Variants in JMJD1C observed in about 807,000 individuals in gnomAD.
The protein encoded by JMJD1C is jumonji domain-containing protein 1C.
A neutral mutation model predicts 245.3 loss-of-function variants in JMJD1C; 31 were observed. The ratio of observed to expected loss-of-function variants is 0.13; its 90% CI spans 0.09 to 0.17. JMJD1C has a LOEUF of 0.17. Among genes scored for constraint, JMJD1C ranks in the 10% least tolerant of loss-of-function variants. JMJD1C has a pLI of 1.00. For synonymous variants in JMJD1C, 1,057 were observed against 1,017.4 expected (o/e 1.04, Z -0.74); for missense variants, 2,691 against 3,000.2 (o/e 0.90, Z 2.41).
intron 1 of JMJD1C, among the ~76,000 whole-genome samples, chr10:63,448,475 T>G (rs189430207): frequency 6.6e-6 from 1 of 152,246 alleles, no homozygotes; most frequent in East Asian, 1.9e-4. Context: ...TTTTAAAATA[T>G]CACAAGTACC....
At chr10:63,170,749 A>AC (rs1336477430) in intron 24 of JMJD1C, among the ~76,000 whole-genome samples, 1 of 152,132 alleles carries the variant, frequency 6.6e-6, no homozygotes, top group Non-Finnish European at 1.5e-5. Flanking sequence ...AATGACCCCT[A>AC]CCTGATATAT....
At chr10:63,243,124 T>TATATATATATATATATATATATAA (rs1491362612) in intron 3 of JMJD1C, among the ~76,000 whole-genome samples, 13 of 85,788 alleles carry the variant, frequency 1.5e-4, no homozygotes, top group South Asian at 1.5e-3. Flanking sequence ...TATATATATA[T>TATATATATATATATATATATATAA]AAATATATAT....
intron 1 of JMJD1C, among the ~76,000 whole-genome samples, chr10:63,405,876 TA>T (rs2132625183): frequency 6.6e-6 from 1 of 152,316 alleles, no homozygotes; most frequent in Non-Finnish European, 1.5e-5. Context: ...TGAGGCTACA[TA>T]GTTTCTGGTG....
At chr10:63,211,435 T>C (rs989004747) in intron 8 of JMJD1C, among the ~76,000 whole-genome samples, 2 of 144,602 alleles carry the variant, frequency 1.4e-5, no homozygotes, top group Admixed American at 7.2e-5. Context: ...CACTGTACTG[T>C]AGCCTGGCAA....
At chr10:63,465,349 C>A in intron 1 of JMJD1C, 146 bp downstream of exon 1, 2 of 818,270 alleles carry the variant, frequency 2.4e-6, no homozygotes, top group Admixed American at 2.9e-5. Context: ...GCAAGGGATG[C>A]GGGCAAACGC....
chr10:63,180,843 A>G (rs886646670), intron 22 of JMJD1C, among the ~76,000 whole-genome samples: 2 of 147,106 alleles, frequency 1.4e-5, no homozygotes. Flanking sequence ...ATCTCGGCTC[A>G]CTGCAAGCTC....
chr10:63,505,970 A>G (rs931991129), intron 1 of JMJD1C, among the ~76,000 whole-genome samples: 13 of 152,164 alleles, frequency 8.5e-5, no homozygotes, highest in African/African-American at 3.1e-4. Context: ...CTTCTCTCCA[A>G]TAAGAACTTA....
At chr10:63,213,287 A>G (rs1847584431) in intron 8 of JMJD1C, among the ~76,000 whole-genome samples, 186 bp downstream of exon 8, 2 of 151,986 alleles carry the variant, frequency 1.3e-5, no homozygotes, top group Admixed American at 6.6e-5. Flanking sequence ...AATTCTTTTT[A>G]TAAGTAGGCT....
At chr10:63,285,830 A>G (rs952058183) in intron 2 of JMJD1C, among the ~76,000 whole-genome samples, 1 of 152,276 alleles carries the variant, frequency 6.6e-6, no homozygotes, top group African/African-American at 2.4e-5. Context: ...ACGAACAAAC[A>G]AAACAAAAAA....
upstream of JMJD1C, among the ~76,000 whole-genome samples, chr10:63,467,837 T>TAAAAATGC (rs1211612439): frequency 6.6e-6 from 1 of 152,168 alleles, no homozygotes. Flanking sequence ...GATGCAATTG[T>TAAAAATGC]AAAAATGCAA....
At chr10:63,517,355 T>G (rs1955052491) in intron 1 of JMJD1C, among the ~76,000 whole-genome samples, 2 of 152,240 alleles carry the variant, frequency 1.3e-5, no homozygotes, top group African/African-American at 4.8e-5. Flanking sequence ...ACCAATGCTT[T>G]TAACAGTCTA....
chr10:63,272,286 T>C (rs1435564191), intron 2 of JMJD1C, among the ~76,000 whole-genome samples: 1 of 151,960 alleles, frequency 6.6e-6, no homozygotes, highest in African/African-American at 2.4e-5. Context: ...GTTTTGCTCT[T>C]TTTTGCCCAG....
intron 3 of JMJD1C, among the ~76,000 whole-genome samples, chr10:63,233,186 AC>A (rs1318480744): frequency 1.3e-5 from 2 of 152,220 alleles, no homozygotes; most frequent in African/African-American, 4.8e-5. Flanking sequence ...AAAGGTTGCC[AC>A]AATTTTAGTT....
chr10:63,442,635 C>A (rs1589756515), intron 1 of JMJD1C, among the ~76,000 whole-genome samples: 1 of 152,170 alleles, frequency 6.6e-6, no homozygotes, highest in African/African-American at 2.4e-5. Context: ...CCATGCCATA[C>A]ATTTCTTGCC....
intron 1 of JMJD1C, among the ~76,000 whole-genome samples, chr10:63,445,313 G>C (rs1020686345): frequency 2.6e-5 from 4 of 152,194 alleles, no homozygotes; most frequent in Non-Finnish European, 5.9e-5. Flanking sequence ...GAGGAGGGAA[G>C]AGGTCAATTT....
chr10:63,380,016 C>T (rs1389517693), intron 2 of JMJD1C, among the ~76,000 whole-genome samples: 1 of 151,364 alleles, frequency 6.6e-6, no homozygotes, highest in African/African-American at 2.4e-5. Context: ...CAGTAACTCA[C>T]ATTGACTTGG....
chr10:63,177,846 C>G lies in JMJD1C; in HGVS notation c.7095G>C (p.Lys2365Asn). The G allele has an allele frequency of 6.2e-7, 1 of 1,611,508 alleles. No individual in the cohort carries two copies. The highest frequency in any genetic ancestry group is 8.5e-7 in the Non-Finnish European group (1 of 1,179,476). Residue 2365 changes from lysine to asparagine, a missense_variant, in exon 23 of 26, where the codon AAG (lysine) becomes AAC (asparagine). Transcript: ENST00000399262. ...CATCCAAATCTTCTTCCTCAAATTT[C>G]TTGAGAATTCCTGAAACAAAGGAAC... ...NGILSKAGIL[K>N]KFEEEDLDDI...
rs764308621 is a variant in JMJD1C, at chr10:63,219,804, T to C, written c.553+74A>G. ...GGCCTTCTATTTATATTGCACACAA[T>C]TGAATAACCAAAAACAAATATGATA... On this transcript the variant is annotated intron_variant, in intron 4 of 25. Coordinates refer to ENST00000399262, the MANE Select transcript of JMJD1C (RefSeq NM_032776.3). 17 of 1,014,202 alleles carry C rather than the reference T, an allele frequency of 1.7e-5. 1 individual carries two copies. The highest frequency in any genetic ancestry group is 1.5e-4 in the South Asian group (11 of 72,478). The allele number at this position is 1,014,202 out of a possible 1,614,324, so 62.8% of individuals were successfully genotyped here. A position where few individuals can be genotyped will look rare whatever the true frequency, so the allele number is the denominator to read the frequency against.
At chr10:63,412,464 G>A (rs1392478366) in intron 1 of JMJD1C, among the ~76,000 whole-genome samples, 1 of 152,180 alleles carries the variant, frequency 6.6e-6, no homozygotes, top group Admixed American at 6.5e-5. Context: ...GTATTTAGTG[G>A]AGAGGTCAAC....
Sources: allele counts gnomAD v4.1 joint callset (sites outside exome capture counted in the v4.1 genomes callset), GRCh38; gene constraint gnomAD v4.1.1; transcripts MANE v1.5; gene names NCBI Gene and HGNC (gene_info 2026-07-23, HGNC 2026-07-21).